Variants in GPC3 observed in about 807,000 individuals in gnomAD.
The protein encoded by GPC3 is glypican-3.
In GPC3, 3 loss-of-function variants were observed where a neutral mutation model predicts 34.4. The observed-to-expected ratio is 0.09, with a 90% CI of 0.04 to 0.23. The LOEUF (loss-of-function observed/expected upper bound fraction) is 0.23. Among genes scored for constraint, GPC3 ranks in the 10% least tolerant of loss-of-function variants. The pLI is 1.00. For synonymous variants in GPC3, 177 were observed against 174.0 expected (o/e 1.02, Z -0.13); for missense variants, 351 against 445.6 (o/e 0.79, Z 1.91).
chrX:133,833,900 T>C (rs185582954), intron 2 of GPC3, among the ~76,000 whole-genome samples: 383 of 111,972 alleles, frequency 3.4e-3, no homozygotes, highest in African/African-American at 0.012. Flanking sequence ...TGTGTGTCTG[T>C]CTCTGGGTGT....
chrX:133,882,727 T>A (rs1188487298), intron 2 of GPC3, among the ~76,000 whole-genome samples: 3 of 111,755 alleles, frequency 2.7e-5, no homozygotes, highest in Non-Finnish European at 5.6e-5. Flanking sequence ...GCCATTAACT[T>A]GTGCTGTGAC....
At chrX:133,890,579 C>T (rs970790487) in intron 2 of GPC3, among the ~76,000 whole-genome samples, 7 of 110,134 alleles carry the variant, frequency 6.4e-5, no homozygotes, top group Middle Eastern at 4.7e-3. Flanking sequence ...AAAAAAAGGT[C>T]GGGTGCGGTG....
chrX:133,705,153 C>A (rs1366623915), intron 3 of GPC3, among the ~76,000 whole-genome samples: 2 of 112,203 alleles, frequency 1.8e-5, no homozygotes, highest in African/African-American at 6.5e-5. Context: ...TCTCTTCACT[C>A]AGTCCTACCA....
chrX:133,546,509 G>C (rs905892318), intron 7 of GPC3, among the ~76,000 whole-genome samples: 1 of 110,894 alleles, frequency 9.0e-6, no homozygotes, highest in Non-Finnish European at 1.9e-5. Flanking sequence ...TAAACAAATA[G>C]AGAGAGAGAG....
intron 3 of GPC3, among the ~76,000 whole-genome samples, chrX:133,712,579 A>G (rs2071278669): frequency 9.0e-6 from 1 of 111,558 alleles, no homozygotes; most frequent in Admixed American, 9.6e-5. Flanking sequence ...ATAGTGGAAA[A>G]ACTAATAAAC....
At chrX:133,727,782 A>T (rs1157568972) in intron 3 of GPC3, among the ~76,000 whole-genome samples, 1 of 112,039 alleles carries the variant, frequency 8.9e-6, no homozygotes, top group Non-Finnish European at 1.9e-5. Flanking sequence ...AGGCAATCAA[A>T]TGTTATAACT....
rs193293249 is a variant in GPC3 at position 133,568,964 on chromosome X, C to T, written c.1573+27476G>A. 1.4e-3 allele frequency among the ~76,000 whole-genome samples: 156 copies of T among 110,923 alleles called. 4 individuals carry two copies. The East Asian group carries it at 0.03, about 21-fold the overall frequency. On this transcript the variant is annotated intron_variant, in intron 7 of 7. Transcript: ENST00000370818. ...GGTGGATTGCTTGAGCCCAGGAGTTCGAGACCAGCCTGGGCAACATGGCGA... is the reference window on the plus strand; with the variant it reads ...GGTGGATTGCTTGAGCCCAGGAGTTTGAGACCAGCCTGGGCAACATGGCGA...
intron 2 of GPC3, among the ~76,000 whole-genome samples, chrX:133,881,382 G>A (rs73568905): frequency 0.013 from 1,416 of 112,011 alleles, 20 homozygotes; most frequent in African/African-American, 0.042. Flanking sequence ...GAAGGGGTGT[G>A]GGGGGAGGCA....
chrX:133,941,795 A>T (rs746795008), intron 2 of GPC3, among the ~76,000 whole-genome samples: 1 of 112,710 alleles, frequency 8.9e-6, no homozygotes, highest in East Asian at 2.8e-4. Flanking sequence ...AATCAGTTAA[A>T]GCAACTTATA....
At chrX:133,959,010 T>C (rs1418524941) in intron 1 of GPC3, among the ~76,000 whole-genome samples, 2 of 112,251 alleles carry the variant, frequency 1.8e-5, no homozygotes, top group South Asian at 7.4e-4. Context: ...TTGGGTCCAG[T>C]CATACAAGTA....
At chrX:133,725,049 C>G (rs137976431) in intron 3 of GPC3, among the ~76,000 whole-genome samples, 2 of 111,760 alleles carry the variant, frequency 1.8e-5, no homozygotes, top group East Asian at 2.8e-4. Flanking sequence ...GGGTCCAGAA[C>G]AGATTTGAGG....
At chrX:133,895,915 C>G (rs1210295147) in intron 2 of GPC3, among the ~76,000 whole-genome samples, 2 of 111,805 alleles carry the variant, frequency 1.8e-5, no homozygotes, top group Non-Finnish European at 3.8e-5. Flanking sequence ...GACTCAGCGG[C>G]CTCTCCCCAA....
chrX:133,878,578 T>C (rs957865381), intron 2 of GPC3, among the ~76,000 whole-genome samples: 5 of 112,566 alleles, frequency 4.4e-5, no homozygotes, highest in African/African-American at 6.5e-5. Flanking sequence ...TTGGCCTTAA[T>C]TGACTTTTCC....
intron 3 of GPC3, among the ~76,000 whole-genome samples, chrX:133,733,921 CA>C (rs2124465321): frequency 9.0e-6 from 1 of 111,662 alleles, no homozygotes; most frequent in African/African-American, 3.2e-5. Context: ...CAAAAAAAAG[CA>C]TAGGATCAGA....
At chrX:133,898,122 A>T (rs771462815) in intron 2 of GPC3, among the ~76,000 whole-genome samples, 1 of 111,567 alleles carries the variant, frequency 9.0e-6, no homozygotes, top group Non-Finnish European at 1.9e-5. Context: ...GGCATCTGGC[A>T]GTAATCCGAT....
intron 5 of GPC3, among the ~76,000 whole-genome samples, chrX:133,675,681 C>T (rs2070877478): frequency 8.9e-6 from 1 of 112,230 alleles, no homozygotes; most frequent in Non-Finnish European, 1.9e-5. Context: ...CCCAAATCTG[C>T]AGCCACTGAC....
chrX:133,571,972 A>G (rs2069637027), intron 7 of GPC3, among the ~76,000 whole-genome samples: 1 of 111,919 alleles, frequency 8.9e-6, no homozygotes, highest in Non-Finnish European at 1.9e-5. Flanking sequence ...ATATAAGCTG[A>G]AAAAGTACTT....
intron 2 of GPC3, among the ~76,000 whole-genome samples, chrX:133,805,003 T>G (rs893769782): frequency 4.5e-5 from 5 of 111,888 alleles, no homozygotes; most frequent in Non-Finnish European, 7.5e-5. Context: ...AAAGTATCAC[T>G]GGTGCCATCA....
At chrX:133,735,067 C>T (rs1289728523) in intron 3 of GPC3, among the ~76,000 whole-genome samples, 2 of 111,499 alleles carry the variant, frequency 1.8e-5, no homozygotes, top group Non-Finnish European at 1.9e-5. Flanking sequence ...TTAACACAAT[C>T]GCTATCAAAA....
Sources: gnomAD v4.1 joint callset for allele counts (sites outside exome capture counted in the v4.1 genomes callset) on GRCh38, gnomAD v4.1.1 for gene constraint, MANE v1.5 for transcripts, NCBI Gene and HGNC (gene_info 2026-07-23, HGNC 2026-07-21) for gene names.